Variants in HMMR observed in about 807,000 individuals in gnomAD.
HMMR encodes the protein hyaluronan mediated motility receptor.
In HMMR, 108 loss-of-function variants were observed where a neutral mutation model predicts 101.0. The ratio of observed to expected loss-of-function variants is 1.07; its 90% CI spans 0.92 to 1.25. The LOEUF is 1.25. Among genes scored for constraint, HMMR ranks in the 50% most tolerant of loss-of-function variants. The pLI is 0.00. For synonymous variants in HMMR, 296 were observed against 276.4 expected, an observed-to-expected ratio of 1.07 and a Z score of -0.70; for missense variants, 813 against 788.7, an observed-to-expected ratio of 1.03 and a Z score of -0.37.
At chr5:163,482,102 T>G (rs1418064002) in intron 12 of HMMR, among the ~76,000 whole-genome samples, 1 of 152,032 alleles carries the variant, frequency 6.6e-6, no homozygotes, top group African/African-American at 2.4e-5. Context: ...TTTTTAGTAG[T>G]GATGGGGTTT....
At chr5:163,482,528 A>G in intron 12 of HMMR, 114 bp from the exon 13 acceptor site, 1 of 708,978 alleles carries the variant, frequency 1.4e-6, no homozygotes, top group Non-Finnish European at 2.4e-6. Flanking sequence ...ATGCATGAAT[A>G]CATTAAAAAC....
chr5:163,463,954 G>A lies in HMMR; in HGVS notation c.145G>A (p.Glu49Lys). Residue 49 changes from glutamate to lysine, a missense_variant and splice_region_variant, in exon 2 of 18, where the codon GAA becomes AAA. Coordinates refer to ENST00000393915, the MANE Select transcript of HMMR (RefSeq NM_001142556.2). ...ATCACAAAGATTTAAACAACAAAAA[G>A]GTAATATAGATCACCAAAGAACAAT... ...QKSQRFKQQK[E>K]SKQNLNVDKD... The A allele has an allele frequency of 1.9e-6, 2 of 1,072,384 alleles. No individual in the cohort carries two copies. The highest frequency in any genetic ancestry group is 2.6e-6 in the Non-Finnish European group (2 of 754,856). The allele number at this position is 1,072,384 out of a possible 1,614,324, so 66.4% of individuals were successfully genotyped here.
At chr5:163,468,815 T>C (rs1758778246) in intron 4 of HMMR, among the ~76,000 whole-genome samples, 1 of 152,132 alleles carries the variant, frequency 6.6e-6, no homozygotes, top group South Asian at 2.1e-4. Flanking sequence ...CCCCATTATA[T>C]TAAAAATATC....
chr5:163,481,685 AC>A (rs1165362469), intron 12 of HMMR, among the ~76,000 whole-genome samples: 1 of 151,660 alleles, frequency 6.6e-6, no homozygotes. Context: ...TCTCTTCCTT[AC>A]CCCCAATATT....
rs1229445259 is a variant in HMMR, at chr5:163,469,763, A to C, written c.396A>C (p.Ala132=). The C allele has an allele frequency of 6.2e-7, 1 of 1,612,986 alleles. No homozygotes were observed. The highest frequency in any genetic ancestry group is 1.3e-5 in the African/African-American group (1 of 75,048). The change falls in exon 5 of 18, where the codon GCA becomes GCC. Residue 132 remains alanine, a synonymous_variant. Transcript: ENST00000393915. ...AALREKTSLS[A]NNATLEKQLI... ...TAAGGGAAAAAACATCTCTCTCTGC[A>C]AATAATGCTACACTGGAAAAACAAC...
intron 4 of HMMR, among the ~76,000 whole-genome samples, chr5:163,468,271 A>C (rs1369167565): frequency 2.0e-5 from 3 of 152,206 alleles, no homozygotes; most frequent in African/African-American, 7.2e-5. Flanking sequence ...ATCTAAATTA[A>C]ATAAGAACTC....
At chr5:163,486,216 G>A (rs1759471918) in intron 16 of HMMR, among the ~76,000 whole-genome samples, 1 of 152,194 alleles carries the variant, frequency 6.6e-6, no homozygotes, top group Non-Finnish European at 1.5e-5. Flanking sequence ...CTGTAGATCA[G>A]TTTGGGACAT....
intron 9 of HMMR, 78 bp downstream of exon 9, chr5:163,473,635 A>G (rs1758973161): frequency 1.2e-6 from 1 of 838,512 alleles, no homozygotes; most frequent in African/African-American, 1.7e-5. Context: ...CTATGCTAAA[A>G]CAACCTTTTA....
intron 12 of HMMR, among the ~76,000 whole-genome samples, chr5:163,481,613 A>G (rs1470157404): frequency 2.6e-5 from 4 of 152,076 alleles, no homozygotes; most frequent in Non-Finnish European, 5.9e-5. Flanking sequence ...TTTTATTGTA[A>G]TCAGTGACAT....
chr5:163,488,205 A>G (rs1204650577), intron 16 of HMMR, among the ~76,000 whole-genome samples: 1 of 152,064 alleles, frequency 6.6e-6, no homozygotes, highest in Admixed American at 6.6e-5. Flanking sequence ...GTGGGGGTAC[A>G]TATGCAGATT....
intron 7 of HMMR, among the ~76,000 whole-genome samples, 174 bp from the exon 8 acceptor site, chr5:163,473,005 T>TA (rs1291166152): frequency 1.3e-5 from 2 of 152,326 alleles, no homozygotes; most frequent in Admixed American, 1.3e-4. Context: ...ATAAAAATTT[T>TA]AGTCTTCTAT....
chr5:163,470,256 G>A (rs1308986143), intron 5 of HMMR, among the ~76,000 whole-genome samples: 2 of 152,140 alleles, frequency 1.3e-5, no homozygotes, highest in Non-Finnish European at 2.9e-5. Context: ...CTTTCTCAGG[G>A]ACTTGCTTTA....
intron 16 of HMMR, chr5:163,489,203 A>AG (rs1759589963): frequency 6.6e-6 from 1 of 152,454 alleles, no homozygotes; most frequent in African/African-American, 2.4e-5. Flanking sequence ...ATCTGCCAGG[A>AG]GGGGGAGCTC....
chr5:163,462,551 G>C (rs1413403158), intron 1 of HMMR, among the ~76,000 whole-genome samples: 1 of 152,040 alleles, frequency 6.6e-6, no homozygotes, highest in Non-Finnish European at 1.5e-5. Context: ...ATGGGGCTGG[G>C]CCTGGTGGTT....
chr5:163,483,570 A>G (rs1453188242), intron 15 of HMMR, among the ~76,000 whole-genome samples: 1 of 152,168 alleles, frequency 6.6e-6, no homozygotes, highest in African/African-American at 2.4e-5. Flanking sequence ...ATAATTGACA[A>G]ATTTAATTGA....
intron 11 of HMMR, among the ~76,000 whole-genome samples, chr5:163,476,507 T>C (rs1405098683): frequency 7.9e-5 from 12 of 152,154 alleles, no homozygotes; most frequent in South Asian, 2.1e-4. Context: ...CAATGGCACA[T>C]GCCTAAAGTC....
intron 12 of HMMR, among the ~76,000 whole-genome samples, chr5:163,480,763 A>G (rs983456089): frequency 6.6e-6 from 1 of 152,138 alleles, no homozygotes; most frequent in Admixed American, 6.5e-5. Context: ...TTTCCATAAA[A>G]TGCTTGTTTA....
intron 13 of HMMR, 114 bp downstream of exon 13, chr5:163,482,902 T>C: frequency 7.6e-7 from 1 of 1,320,580 alleles, no homozygotes; most frequent in Non-Finnish European, 1.1e-6. Flanking sequence ...ATTAAGAATT[T>C]ACTCAGTTAA....
intron 5 of HMMR, 124 bp from the exon 6 acceptor site, chr5:163,471,061 T>C (rs1023770967): frequency 6.2e-6 from 4 of 644,580 alleles, no homozygotes; most frequent in Non-Finnish European, 1.1e-5. Flanking sequence ...CTGTTCTCTC[T>C]ACCAAAGTAT....
Sources: allele counts gnomAD v4.1 joint callset (sites outside exome capture counted in the v4.1 genomes callset), GRCh38; gene constraint gnomAD v4.1.1; transcripts MANE v1.5; gene names NCBI Gene and HGNC (gene_info 2026-07-23, HGNC 2026-07-21).